Variants in DCK observed in about 807,000 individuals in gnomAD.
The protein encoded by DCK is deoxyadenosine kinase.
In DCK, 23 loss-of-function variants were observed where a neutral mutation model predicts 38.3. The observed-to-expected ratio is 0.60, with a 90% CI of 0.43 to 0.85. The LOEUF is 0.85. Ranked by LOEUF, DCK falls within the 40% of genes least tolerant of loss-of-function variation. The probability of loss-of-function intolerance (pLI) is 0.00; values close to 1 mark genes in which losing one functional copy is unlikely to be tolerated. For synonymous variants in DCK, 108 were observed against 100.6 expected, an observed-to-expected ratio of 1.07 and a Z score of -0.44; for missense variants, 259 against 304.4, an observed-to-expected ratio of 0.85 and a Z score of 1.11.
At chr4:71,022,255 C>G (rs1740443123) in intron 2 of DCK, 112 bp from the exon 3 acceptor site, 1 of 561,346 alleles carries the variant, frequency 1.8e-6, no homozygotes, top group East Asian at 3.1e-5. Context: ...CTTGGTTTTG[C>G]TGATCATGAT....
intron 2 of DCK, among the ~76,000 whole-genome samples, chr4:71,012,840 T>C (rs1301407320): frequency 6.6e-6 from 1 of 151,928 alleles, no homozygotes; most frequent in South Asian, 2.1e-4. Context: ...AAGCTGAAAA[T>C]TCTAAAAATC....
At chr4:71,003,225 T>G (rs1739855511) in intron 2 of DCK, among the ~76,000 whole-genome samples, 1 of 152,208 alleles carries the variant, frequency 6.6e-6, no homozygotes, top group Admixed American at 6.5e-5. Flanking sequence ...AAGCTTAGTT[T>G]GACTGGTTAT....
At chr4:71,006,008 C>A (rs1346319332) in intron 2 of DCK, among the ~76,000 whole-genome samples, 2 of 150,296 alleles carry the variant, frequency 1.3e-5, no homozygotes, top group Non-Finnish European at 3.0e-5. Context: ...CGCCTGTAAT[C>A]CCAGCTACTC....
intron 2 of DCK, among the ~76,000 whole-genome samples, chr4:71,006,775 T>C (rs1217673944): frequency 6.6e-6 from 1 of 152,140 alleles, no homozygotes; most frequent in Non-Finnish European, 1.5e-5. Context: ...GCCACTGTAC[T>C]CTAGCCTGAG....
intron 3 of DCK, 42 bp downstream of exon 3, chr4:71,022,602 T>A: frequency 8.2e-7 from 1 of 1,216,354 alleles, no homozygotes; most frequent in African/African-American, 1.6e-5. Context: ...GAAGTTTTTA[T>A]CTTAGAACTG....
intron 2 of DCK, among the ~76,000 whole-genome samples, chr4:71,007,593 A>G (rs1041711703): frequency 2.6e-5 from 4 of 152,232 alleles, no homozygotes; most frequent in Admixed American, 2.0e-4. Flanking sequence ...ATGTTATATA[A>G]GTGGAATTAC....
intron 2 of DCK, among the ~76,000 whole-genome samples, chr4:71,008,508 T>A (rs185292975): frequency 1.3e-5 from 2 of 152,338 alleles, no homozygotes; most frequent in Admixed American, 1.3e-4. Context: ...TTCGCTGAAG[T>A]ACCTACTCAA....
Position 71,011,232 on chromosome 4 carries a change from C to CCTT in DCK, c.208-11135_208-11134insCTT, listed in dbSNP as rs1424008275. Among the ~76,000 whole-genome samples the CCTT allele has an allele frequency of 2.2e-5, 2 of 93,008 alleles. 1 individual carries two copies. The highest frequency in any genetic ancestry group is 8.3e-5 in the African/African-American group (2 of 24,202). 61.0% of individuals were successfully genotyped at this position (93,008 alleles called of 152,430 possible). ...GGCTGGGATTACAGGTGTGAGGTCT[C>CCTT]TTTTTTTTTTTTTTTTTTTTTTTTA... On this transcript the variant is annotated intron_variant, in intron 2 of 6. Transcript: ENST00000286648.
At chr4:70,995,554 G>A (rs1294328402) in intron 1 of DCK, among the ~76,000 whole-genome samples, 1 of 151,854 alleles carries the variant, frequency 6.6e-6, no homozygotes, top group African/African-American at 2.4e-5. Flanking sequence ...ACTCTAGCCT[G>A]GGTGACAGAG....
intron 2 of DCK, among the ~76,000 whole-genome samples, chr4:71,004,566 C>T (rs183189663): frequency 6.6e-6 from 1 of 152,344 alleles, no homozygotes; most frequent in Admixed American, 6.5e-5. Context: ...CACAGCCACG[C>T]CTTCCCCCAG....
Position 71,022,572 on chromosome 4 carries a change from T to C in DCK, c.401+12T>C, listed in dbSNP as rs1036462923. ...GTGTATAGTGACAGGTATGTATAAATGGCTTGTACGTGGCCATTTGAAGTT... is the reference window on the plus strand; with the variant it reads ...GTGTATAGTGACAGGTATGTATAAACGGCTTGTACGTGGCCATTTGAAGTT... On this transcript the variant is annotated intron_variant, in intron 3 of 6. Transcript: ENST00000286648. 3 of 1,424,356 alleles carry C rather than the reference T, an allele frequency of 2.1e-6. No individual in the cohort carries two copies. The highest frequency in any genetic ancestry group is 1.5e-5 in the African/African-American group (1 of 67,938). 88.2% of individuals were successfully genotyped at this position (1,424,356 alleles called of 1,614,324 possible). A position where few individuals can be genotyped will look rare whatever the true frequency, so the allele number is the denominator to read the frequency against.
intron 1 of DCK, among the ~76,000 whole-genome samples, chr4:70,995,073 T>G (rs566582703): frequency 6.6e-6 from 1 of 152,182 alleles, no homozygotes; most frequent in Non-Finnish European, 1.5e-5. Flanking sequence ...AGCAGATGCT[T>G]TAAGCATTCA....
chr4:70,999,520 C>A (rs1739734782), intron 2 of DCK, among the ~76,000 whole-genome samples: 1 of 152,126 alleles, frequency 6.6e-6, no homozygotes, highest in South Asian at 2.1e-4. Context: ...AATTTATAAT[C>A]CTTTGGGTAT....
intron 5 of DCK, among the ~76,000 whole-genome samples, 196 bp from the exon 6 acceptor site, chr4:71,026,469 T>C (rs1427813410): frequency 6.6e-6 from 1 of 152,150 alleles, no homozygotes; most frequent in Non-Finnish European, 1.5e-5. Flanking sequence ...ATATATTTTG[T>C]ACCTAAGTTT....
At chr4:71,013,661 A>G (rs4694361) in intron 2 of DCK, among the ~76,000 whole-genome samples, 124,366 of 152,120 alleles carry the variant, frequency 0.82, 54,927 homozygotes, top group Non-Finnish European at 0.97. Context: ...GCCAAACTAA[A>G]CTTCATAAGT....
intron 2 of DCK, among the ~76,000 whole-genome samples, chr4:71,006,137 A>G (rs1473374448): frequency 1.5e-5 from 2 of 137,014 alleles, no homozygotes; most frequent in Non-Finnish European, 3.1e-5. Context: ...AAACACCAAA[A>G]AAAAAAAAAA....
At chr4:70,995,038 G>A (rs1739631120) in intron 1 of DCK, among the ~76,000 whole-genome samples, 1 of 152,124 alleles carries the variant, frequency 6.6e-6, no homozygotes, top group Admixed American at 6.5e-5. Context: ...TCAAAGCACT[G>A]TACCTTCTTG....
chr4:70,997,395 T>C (rs1455632243), intron 1 of DCK, among the ~76,000 whole-genome samples: 1 of 152,242 alleles, frequency 6.6e-6, no homozygotes, highest in Non-Finnish European at 1.5e-5. Context: ...TTATCCAGTT[T>C]ATCGTTAAAA....
At chr4:71,028,604 C>T (rs201668166) in intron 6 of DCK, 5 of 387,320 alleles carry the variant, frequency 1.3e-5, no homozygotes, top group Admixed American at 3.1e-5. Context: ...AACAATATTT[C>T]TTTTTTTTCT....
Sources: allele counts gnomAD v4.1 joint callset (sites outside exome capture counted in the v4.1 genomes callset), GRCh38; gene constraint gnomAD v4.1.1; transcripts MANE v1.5; gene names NCBI Gene and HGNC (gene_info 2026-07-23, HGNC 2026-07-21).